DKKL1: variants seen among roughly 807,000 people sequenced by gnomAD.
DKKL1 encodes the protein dickkopf like acrosomal protein 1.
DKKL1 carries 11 observed loss-of-function variants against 16.5 expected under a neutral mutation model. The observed-to-expected ratio is 0.67, with a 90% CI of 0.42 to 1.10. DKKL1 has a LOEUF of 1.10. Among genes scored for constraint, DKKL1 ranks in the 50% least tolerant of loss-of-function variants. The probability of loss-of-function intolerance (pLI) is 0.00; values close to 1 mark genes in which losing one functional copy is unlikely to be tolerated. For synonymous variants in DKKL1, 119 were observed against 133.2 expected, an observed-to-expected ratio of 0.89 and a Z score of 0.73; for missense variants, 320 against 308.1, an observed-to-expected ratio of 1.04 and a Z score of -0.29.
At position 49,374,741 on chromosome 19, in the gene DKKL1, G is replaced by T; in HGVS notation, c.442G>T (p.Ala148Ser). 2 of 1,539,150 alleles carry T rather than the reference G, an allele frequency of 1.3e-6. No individual in the cohort carries two copies. The highest frequency in any genetic ancestry group is 1.8e-6 in the Non-Finnish European group (2 of 1,142,274). Residue 148 changes from alanine to serine, a missense_variant, in exon 5 of 5, where the codon GCC (alanine) becomes TCC (serine). Physicochemically the swap from Ala to Ser is moderately conservative, Grantham distance 99. Coordinates refer to ENST00000221498, the MANE Select transcript of DKKL1 (RefSeq NM_014419.4). ...GGTACCCAGGATGGAGGAGAAGGAG[G>T]CCCTGGTACCCATCCAGAAGGCCAC... ...LKVPRMEEKE[A>S]LVPIQKATDS...
intron 4 of DKKL1, chr19:49,370,303 A>AG (rs1973426423): frequency 6.6e-6 from 1 of 152,254 alleles, no homozygotes; most frequent in African/African-American, 2.4e-5. Flanking sequence ...GTTCCCATGG[A>AG]GGATACCCTG....
At chr19:49,364,036 TG>T in intron 1 of DKKL1, 28 bp downstream of exon 1, 1 of 1,612,298 alleles carries the variant, frequency 6.2e-7, no homozygotes. Context: ...GTGGTGAACG[TG>T]GGCGAAAGTG....
Position 49,365,634 on chromosome 19 carries a change from C to T in DKKL1, c.309C>T (p.His103=). The T allele has an allele frequency of 1.2e-6, 2 of 1,612,658 alleles. No homozygotes were observed. Among genetic ancestry groups the T allele is most frequent in the Non-Finnish European group, 1.7e-6 (2 of 1,179,162 alleles). ...TGGGGAACAACACCCTCTCCAGCCA[C>T]CTCCAGATCGACAAGGTGCCTATGC... ...HQLGNNTLSS[H]LQIDKMTDNK... is the part of the protein sequence containing the mutation. The change falls in exon 3 of 5, where the codon CAC becomes CAT. Residue 103 remains histidine, a synonymous_variant. Coordinates refer to ENST00000221498, the MANE Select transcript of DKKL1 (RefSeq NM_014419.4).
upstream of DKKL1, among the ~76,000 whole-genome samples, chr19:49,360,960 ACG>A (rs1972838089): frequency 2.0e-5 from 2 of 100,024 alleles, no homozygotes; most frequent in Non-Finnish European, 1.9e-5. Context: ...GAGACCAGTG[ACG>A]GAGGGGACAG....
intron 4 of DKKL1, 130 bp from the exon 5 acceptor site, chr19:49,374,587 C>A: frequency 1.2e-6 from 1 of 800,872 alleles, no homozygotes; most frequent in Non-Finnish European, 1.9e-6. Context: ...GCTTTGTAAA[C>A]CTCAAACAGG....
At chr19:49,374,692 G>A (rs764699251) in intron 4 of DKKL1, 25 bp from the exon 5 acceptor site, 14 of 1,514,546 alleles carry the variant, frequency 9.2e-6, no homozygotes, top group Non-Finnish European at 1.1e-5. Context: ...GAGTATGAGA[G>A]GGTCTCCTTG....
chr19:49,368,937 C>T (rs57073172), intron 4 of DKKL1: 30,420 of 152,126 alleles, frequency 0.2, 3,437 homozygotes, highest in Non-Finnish European at 0.25. Context: ...TGGCAAGCAA[C>T]TTCCTCTTTT....
chr19:49,368,432 G>GC, intron 4 of DKKL1, among the ~76,000 whole-genome samples: 1 of 151,884 alleles, frequency 6.6e-6, no homozygotes, highest in Middle Eastern at 3.2e-3. Context: ...TCTAAAGTGG[G>GC]CCCAGATCAT....
Position 49,365,808 on chromosome 19 carries a change from A to C in DKKL1, c.340A>C (p.Thr114Pro). Residue 114 changes from threonine (T) to proline (P), a missense_variant, in exon 4 of 5, where the codon ACA becomes CCA. Transcript: ENST00000221498. ...ATCCTCACAGATGACCGACAACAAG[A>C]CAGGAGAGGTGCTGATCTCCGAGAA... ...LQIDKMTDNK[T>P]GEVLISENVV... is the part of the protein sequence containing the mutation. 1 of 1,614,002 alleles carries C rather than the reference A, an allele frequency of 6.2e-7. No homozygotes were observed. The highest frequency in any genetic ancestry group is 8.5e-7 in the Non-Finnish European group (1 of 1,179,964).
At chr19:49,369,557 G>A (rs1465163610) in intron 4 of DKKL1, 2 of 152,204 alleles carry the variant, frequency 1.3e-5, no homozygotes, top group African/African-American at 2.4e-5. Context: ...GAAGGGGAAG[G>A]GGAATCACCT....
chr19:49,367,127 A>C (rs1973283271), intron 4 of DKKL1, among the ~76,000 whole-genome samples: 1 of 152,006 alleles, frequency 6.6e-6, no homozygotes, highest in Non-Finnish European at 1.5e-5. Flanking sequence ...CTGAGGTTCA[A>C]GTGATTCTCC....
At chr19:49,361,247 G>C (rs1008352019), upstream of DKKL1, 1 of 150,444 alleles carries the variant, frequency 6.6e-6, no homozygotes, top group Non-Finnish European at 1.5e-5. Flanking sequence ...GACCCAGAGA[G>C]AGGGGGACAG....
At chr19:49,368,508 TA>T in intron 4 of DKKL1, among the ~76,000 whole-genome samples, 1 of 151,598 alleles carries the variant, frequency 6.6e-6, no homozygotes, top group East Asian at 1.9e-4. Flanking sequence ...AATAAATAAA[TA>T]AATAAAATTT....
At chr19:49,372,643 G>A (rs957523341) in intron 4 of DKKL1, among the ~76,000 whole-genome samples, 2 of 149,944 alleles carry the variant, frequency 1.3e-5, no homozygotes, top group Non-Finnish European at 3.0e-5. Context: ...GCAGTGAGCC[G>A]AGATCGTGCC....
rs747370647 is a variant in DKKL1 at position 49,375,071 on chromosome 19, C to T, written c.*43C>T. On this transcript the variant is annotated 3_prime_UTR_variant, in exon 5 of 5. Transcript: ENST00000221498. Reference sequence around the variant, plus strand: ...CACCTGCCTGTAGCCCCCATCAGACCCTGCCCCAAGCACCATATGGAAATA... The same window carrying T: ...CACCTGCCTGTAGCCCCCATCAGACTCTGCCCCAAGCACCATATGGAAATA... The T allele has an allele frequency of 1.0e-5, 16 of 1,542,240 alleles. No homozygotes were observed. In the South Asian group the frequency reaches 2.0e-4, roughly 19 times the overall value.
intron 4 of DKKL1, among the ~76,000 whole-genome samples, chr19:49,368,488 AAAATAAATAAAT>A (rs1039855646): frequency 6.6e-6 from 1 of 151,038 alleles, no homozygotes. Context: ...TCTGTCTCAA[AAAATAAATAAAT>A]AAATAAATAA....
In DKKL1 at chr19:49,365,901, G is replaced by T. The variant is rs750064168; in HGVS notation, c.417+16G>T. On this transcript the variant is annotated intron_variant, in intron 4 of 4. Transcript: ENST00000221498. ...TGATTTGAAGGTTAGGACGTGCCCC[G>T]CCGTCAAAGTGTCCAGGCCCAAACA... 1.9e-6 allele frequency: 3 copies of T among 1,609,364 alleles called. No individual in the cohort carries two copies. Among genetic ancestry groups the T allele is most frequent in the Non-Finnish European group, 2.5e-6 (3 of 1,177,210 alleles).
rs376904830 is a variant in DKKL1 at position 49,374,709 on chromosome 19, C to T, written c.418-8C>T. ...GTATGAGAGGGTCTCCTTGTTCTTC[C>T]TCCCCAGGTACCCAGGATGGAGGAG... On this transcript the variant is annotated splice_region_variant and splice_polypyrimidine_tract_variant and intron_variant, in intron 4 of 4. Transcript: ENST00000221498. The T allele has an allele frequency of 3.8e-5, 58 of 1,518,452 alleles. No homozygotes were observed. Among genetic ancestry groups the T allele is most frequent in the Non-Finnish European group, 4.5e-5 (51 of 1,132,802 alleles). The allele number at this position is 1,518,452 out of a possible 1,614,324, so 94.1% of individuals were successfully genotyped here.
At chr19:49,365,952 G>T in intron 4 of DKKL1, 67 bp downstream of exon 4, 1 of 1,457,704 alleles carries the variant, frequency 6.9e-7, no homozygotes, top group Non-Finnish European at 9.4e-7. Context: ...TTTTAAAGAA[G>T]AGTCTCACTC....
Sources: allele counts gnomAD v4.1 joint callset (sites outside exome capture counted in the v4.1 genomes callset), GRCh38; gene constraint gnomAD v4.1.1; transcripts MANE v1.5; gene names NCBI Gene and HGNC (gene_info 2026-07-23, HGNC 2026-07-21).